Variants in SMARCC1 observed in about 807,000 individuals in gnomAD.
The protein encoded by SMARCC1 is SWI/SNF related BAF chromatin remodeling complex subunit C1, also known as SWI/SNF complex subunit SMARCC1.
A neutral mutation model predicts 147.4 loss-of-function variants in SMARCC1; 43 were observed. That is an observed-to-expected ratio of 0.29 (90% CI 0.23 to 0.38). SMARCC1 has a LOEUF of 0.38. Ranked by LOEUF, SMARCC1 falls within the 10% of genes least tolerant of loss-of-function variation. The probability of loss-of-function intolerance (pLI) is 1.00; values close to 1 mark genes in which losing one functional copy is unlikely to be tolerated. For synonymous variants in SMARCC1, 495 were observed against 484.4 expected, an observed-to-expected ratio of 1.02 and a Z score of -0.29; for missense variants, 1,119 against 1,381.1, an observed-to-expected ratio of 0.81 and a Z score of 3.01.
intron 21 of SMARCC1, among the ~76,000 whole-genome samples, chr3:47,639,061 G>T (rs1338294045): frequency 6.6e-6 from 1 of 152,142 alleles, no homozygotes; most frequent in Non-Finnish European, 1.5e-5. Context: ...GGAAAGGGGA[G>T]GTCCTAGGGT....
At chr3:47,601,443 G>A (rs1424927413) in intron 26 of SMARCC1, among the ~76,000 whole-genome samples, 1 of 152,070 alleles carries the variant, frequency 6.6e-6, no homozygotes, top group Non-Finnish European at 1.5e-5. Flanking sequence ...CTGGAGAATG[G>A]AAATAACAAA....
intron 11 of SMARCC1, among the ~76,000 whole-genome samples, chr3:47,694,013 G>GT (rs1245963292): frequency 1.3e-5 from 2 of 152,054 alleles, no homozygotes; most frequent in Non-Finnish European, 2.9e-5. Flanking sequence ...TATCCTGAGA[G>GT]TTTTTTAACT....
At chr3:47,712,093 G>A (rs2034090656) in intron 8 of SMARCC1, among the ~76,000 whole-genome samples, 1 of 152,064 alleles carries the variant, frequency 6.6e-6, no homozygotes, top group African/African-American at 2.4e-5. Flanking sequence ...ATTAGTTAAG[G>A]TGGTGGCACA....
At chr3:47,724,258 A>C (rs1576422648) in intron 6 of SMARCC1, among the ~76,000 whole-genome samples, 1 of 152,256 alleles carries the variant, frequency 6.6e-6, no homozygotes, top group African/African-American at 2.4e-5. Flanking sequence ...AAAGCAACCT[A>C]AATATCCATC....
intron 21 of SMARCC1, among the ~76,000 whole-genome samples, chr3:47,654,336 T>C (rs542261919): frequency 2.6e-5 from 4 of 152,330 alleles, no homozygotes; most frequent in Admixed American, 1.3e-4. Context: ...AGAATCAACA[T>C]AGAAGAACAG....
chr3:47,673,405 G>GGGGGGC (rs2033529286), intron 18 of SMARCC1, among the ~76,000 whole-genome samples: 2 of 128,250 alleles, frequency 1.6e-5, no homozygotes, highest in East Asian at 5.5e-4. Flanking sequence ...AGGGTGGGGG[G>GGGGGGC]GGGGCAGGCC....
intron 15 of SMARCC1, among the ~76,000 whole-genome samples, chr3:47,679,876 A>C (rs899238806): frequency 6.6e-6 from 1 of 151,694 alleles, no homozygotes; most frequent in African/African-American, 2.4e-5. Context: ...AAAAAAAAAA[A>C]AAAGGAAGAA....
At chr3:47,738,214 T>G (rs1466405137) in intron 3 of SMARCC1, 104 bp from the exon 4 acceptor site, 3 of 676,216 alleles carry the variant, frequency 4.4e-6, no homozygotes, top group Non-Finnish European at 7.5e-6. Context: ...ATTTGAAAAT[T>G]AAAATAACTC....
chr3:47,668,885 T>TA (rs751000969), intron 19 of SMARCC1, among the ~76,000 whole-genome samples: 114 of 136,484 alleles, frequency 8.4e-4, no homozygotes, highest in Middle Eastern at 3.7e-3. Context: ...AACCCTGTCT[T>TA]AAAAAAAAAA....
intron 13 of SMARCC1, among the ~76,000 whole-genome samples, chr3:47,688,776 G>A (rs893186419): frequency 7.2e-5 from 11 of 152,082 alleles, no homozygotes; most frequent in African/African-American, 2.2e-4. Flanking sequence ...CTGCACTGTC[G>A]GATAACATCT....
At chr3:47,649,997 C>G (rs969647871) in intron 21 of SMARCC1, among the ~76,000 whole-genome samples, 1 of 152,306 alleles carries the variant, frequency 6.6e-6, no homozygotes, top group South Asian at 2.1e-4. Context: ...ATAATTCAGG[C>G]CGGGCTTGGT....
intron 15 of SMARCC1, among the ~76,000 whole-genome samples, chr3:47,678,698 G>A (rs1380270294): frequency 1.3e-5 from 2 of 152,172 alleles, no homozygotes; most frequent in African/African-American, 2.4e-5. Context: ...TCTGACAATT[G>A]AATCCTCATA....
chr3:47,738,247 C>G, intron 3 of SMARCC1, 137 bp from the exon 4 acceptor site: 1 of 579,682 alleles, frequency 1.7e-6, no homozygotes, highest in Non-Finnish European at 3.1e-6. Flanking sequence ...GAGACATTCT[C>G]TCAGTAACAT....
intron 24 of SMARCC1, among the ~76,000 whole-genome samples, chr3:47,632,309 T>A (rs189290098): frequency 7.5e-4 from 113 of 149,852 alleles, no homozygotes; most frequent in African/African-American, 2.0e-3. Flanking sequence ...AAAAAAAAAA[T>A]TTTTTTTTTG....
rs1324189489 is a variant in SMARCC1 at position 47,586,358 on chromosome 3, G to A, written c.*1851C>T. The A allele has an allele frequency of 6.6e-6, 1 of 152,208 alleles. No homozygotes were observed. Among genetic ancestry groups the A allele is most frequent in the African/African-American group, 2.4e-5 (1 of 41,460 alleles). The allele number at this position is 152,208 out of a possible 1,614,324, so 9.4% of individuals were successfully genotyped here. ...CTGGCAGGAAGTAGGTAAAACCCTG[G>A]CCATTGTCAAAAGGCACTGGGGTCT... On this transcript the variant is annotated 3_prime_UTR_variant, in exon 28 of 28. Transcript: ENST00000254480.
At chr3:47,624,190 C>T (rs2032775470) in intron 24 of SMARCC1, among the ~76,000 whole-genome samples, 1 of 151,966 alleles carries the variant, frequency 6.6e-6, no homozygotes, top group African/African-American at 2.4e-5. Flanking sequence ...ACTCGGGAGG[C>T]TGAGGCATAA....
At chr3:47,612,512 T>C (rs2032577623) in intron 25 of SMARCC1, among the ~76,000 whole-genome samples, 1 of 152,192 alleles carries the variant, frequency 6.6e-6, no homozygotes, top group African/African-American at 2.4e-5. Flanking sequence ...TAGCTGAATT[T>C]TGGGTTCTGC....
intron 2 of SMARCC1, among the ~76,000 whole-genome samples, chr3:47,767,760 C>T (rs1470567923): frequency 2.0e-5 from 3 of 151,062 alleles, no homozygotes; most frequent in African/African-American, 7.3e-5. Context: ...CCCAGGTCCT[C>T]GGGAGGCTGA....
At chr3:47,762,099 T>C (rs1263527003) in intron 2 of SMARCC1, among the ~76,000 whole-genome samples, 1 of 152,096 alleles carries the variant, frequency 6.6e-6, no homozygotes, top group Middle Eastern at 3.2e-3. Flanking sequence ...TCCTATTCCT[T>C]TGCCACAGAA....
Sources: allele counts gnomAD v4.1 joint callset (sites outside exome capture counted in the v4.1 genomes callset), GRCh38; gene constraint gnomAD v4.1.1; transcripts MANE v1.5; gene names NCBI Gene and HGNC (gene_info 2026-07-23, HGNC 2026-07-21).